Variants in NEK1 observed in about 807,000 individuals in gnomAD.
NEK1 encodes the protein serine/threonine-protein kinase Nek1.
Under a neutral mutation model 182.1 loss-of-function variants are expected in NEK1, and 137 were observed. The observed-to-expected ratio is 0.75, with a 90% CI of 0.65 to 0.87. The LOEUF (loss-of-function observed/expected upper bound fraction) is 0.87. NEK1 is among the 40% of genes least tolerant of loss of function. The probability of loss-of-function intolerance (pLI) is 0.00; values close to 1 mark genes in which losing one functional copy is unlikely to be tolerated. For missense variants in NEK1, 1,391 were observed against 1,494.4 expected, an observed-to-expected ratio of 0.93 and a Z score of 1.14; for synonymous variants, 513 against 492.2, an observed-to-expected ratio of 1.04 and a Z score of -0.56.
chr4:169,459,271 G>C (rs1477704996), intron 27 of NEK1, among the ~76,000 whole-genome samples: 4 of 152,236 alleles, frequency 2.6e-5, no homozygotes, highest in African/African-American at 9.6e-5. Context: ...CATATAGTAA[G>C]AATCATATGA....
intron 11 of NEK1, among the ~76,000 whole-genome samples, chr4:169,579,396 G>A (rs1580921802): frequency 3.3e-5 from 5 of 152,292 alleles, no homozygotes; most frequent in South Asian, 4.1e-4. Flanking sequence ...ACTGCCCACT[G>A]CCCAGAGAAA....
intron 26 of NEK1, among the ~76,000 whole-genome samples, chr4:169,472,174 AC>A (rs1243095641): frequency 6.6e-6 from 1 of 151,734 alleles, no homozygotes; most frequent in Non-Finnish European, 1.5e-5. Flanking sequence ...AACAAAAAAA[AC>A]AAAAAAAAAC....
intron 12 of NEK1, among the ~76,000 whole-genome samples, chr4:169,569,683 G>A (rs1299980776): frequency 2.3e-4 from 35 of 152,206 alleles, no homozygotes; most frequent in African/African-American, 7.7e-4. Context: ...TGGTGGAGAC[G>A]GGGTTTCGCT....
chr4:169,588,329 G>A (rs937402214), intron 8 of NEK1, among the ~76,000 whole-genome samples: 2 of 152,096 alleles, frequency 1.3e-5, no homozygotes, highest in African/African-American at 4.8e-5. Context: ...ACTCGAAACA[G>A]TACCTGGCTT....
At chr4:169,419,303 T>A (rs1735068275) in intron 31 of NEK1, among the ~76,000 whole-genome samples, 1 of 150,314 alleles carries the variant, frequency 6.7e-6, no homozygotes. Context: ...AAAATGAAGG[T>A]GAAATGAAAA....
At chr4:169,488,245 T>C (rs1468707801) in intron 23 of NEK1, among the ~76,000 whole-genome samples, 1 of 152,128 alleles carries the variant, frequency 6.6e-6, no homozygotes, top group Non-Finnish European at 1.5e-5. Context: ...AAATCTTTAT[T>C]TGTGCCTGTG....
intron 18 of NEK1, among the ~76,000 whole-genome samples, chr4:169,547,369 C>G (rs1760672781): frequency 6.6e-6 from 1 of 152,158 alleles, no homozygotes; most frequent in South Asian, 2.1e-4. Flanking sequence ...CTTCCCTTTA[C>G]CGGTAACCTG....
intron 31 of NEK1, among the ~76,000 whole-genome samples, chr4:169,410,449 A>T (rs1172072578): frequency 6.6e-6 from 1 of 152,234 alleles, no homozygotes; most frequent in South Asian, 2.1e-4. Flanking sequence ...TTTGAGCTCC[A>T]GTATTTTTCA....
chr4:169,505,554 G>T (rs1239071515), intron 23 of NEK1, among the ~76,000 whole-genome samples: 1 of 152,224 alleles, frequency 6.6e-6, no homozygotes, highest in Non-Finnish European at 1.5e-5. Context: ...CAGTAGTAAA[G>T]ACTACGGGGA....
intron 10 of NEK1, among the ~76,000 whole-genome samples, chr4:169,583,866 T>C (rs1767087065): frequency 1.3e-5 from 2 of 152,242 alleles, no homozygotes; most frequent in African/African-American, 4.8e-5. Context: ...TACTAATGCA[T>C]TCTCCTGGTA....
chr4:169,566,854 A>G (rs1561426556), intron 12 of NEK1, among the ~76,000 whole-genome samples: 1 of 152,214 alleles, frequency 6.6e-6, no homozygotes, highest in African/African-American at 2.4e-5. Flanking sequence ...CTGTAATCCC[A>G]GCACTTTGGG....
At position 169,491,801 on chromosome 4, in the gene NEK1, T is replaced by G. The variant is rs114006358; in HGVS notation, c.2008-12267A>C. On this transcript the variant is annotated intron_variant, in intron 23 of 35. Coordinates refer to ENST00000507142, the MANE Select transcript of NEK1 (RefSeq NM_001199397.3). ...ATGTTGAAACAGTAAAAAACAACTG[T>G]AATTGCATTAAGTTGTTATGAAGTC... 1.4e-3 allele frequency among the ~76,000 whole-genome samples: 220 copies of G among 152,332 alleles called. 1 individual carries two copies. Among genetic ancestry groups the G allele is most frequent in the Non-Finnish European group, 2.6e-3 (178 of 68,026 alleles).
intron 28 of NEK1, among the ~76,000 whole-genome samples, chr4:169,434,193 A>C (rs4692729): frequency 0.9 from 131,706 of 145,970 alleles, 59,507 homozygotes; most frequent in Middle Eastern, 0.94. Flanking sequence ...TTTCTTAGAC[A>C]CTCAAATAGT....
intron 2 of NEK1, among the ~76,000 whole-genome samples, chr4:169,606,156 GAAAGCCATTCCATCAAAAAATT>G (rs1432578994): frequency 6.6e-6 from 1 of 151,248 alleles, no homozygotes; most frequent in African/African-American, 2.4e-5. Flanking sequence ...GAGTGATGGG[GAAAGCCATTCCATCAAAAAATT>G]AAAAGAAGTC....
At chr4:169,466,217 T>C (rs575115478) in intron 26 of NEK1, among the ~76,000 whole-genome samples, 45 of 152,100 alleles carry the variant, frequency 3.0e-4, no homozygotes, top group African/African-American at 1.0e-3. Context: ...ATTGAACTCG[T>C]CCATTCATAC....
At chr4:169,545,052 T>C (rs1224662728) in intron 18 of NEK1, among the ~76,000 whole-genome samples, 1 of 114,554 alleles carries the variant, frequency 8.7e-6, no homozygotes, top group Non-Finnish European at 2.0e-5. Flanking sequence ...CTTCTCTGAT[T>C]CTTTTTTTTT....
intron 4 of NEK1, among the ~76,000 whole-genome samples, chr4:169,600,719 C>A (rs1218655616): frequency 6.6e-6 from 1 of 152,006 alleles, no homozygotes; most frequent in African/African-American, 2.4e-5. Context: ...AACTATAATT[C>A]ACTATTTATA....
intron 29 of NEK1, among the ~76,000 whole-genome samples, chr4:169,428,369 T>TATATATATATATATAA (rs1260488199): frequency 6.9e-6 from 1 of 145,060 alleles, no homozygotes; most frequent in Non-Finnish European, 1.5e-5. Context: ...TATATATATA[T>TATATATATATATATAA]ATAATGGAAT....
chr4:169,468,780 G>A (rs1040965426), intron 26 of NEK1, among the ~76,000 whole-genome samples: 1 of 152,118 alleles, frequency 6.6e-6, no homozygotes, highest in African/African-American at 2.4e-5. Context: ...ATTAATTACT[G>A]CCTGAATTTC....
Sources: allele counts gnomAD v4.1 joint callset (sites outside exome capture counted in the v4.1 genomes callset), GRCh38; gene constraint gnomAD v4.1.1; transcripts MANE v1.5; gene names NCBI Gene and HGNC (gene_info 2026-07-23, HGNC 2026-07-21).